Variants in RAPGEF5 observed in about 807,000 individuals in gnomAD.
RAPGEF5 encodes the protein M-Ras-regulated GEF.
A neutral mutation model predicts 125.2 loss-of-function variants in RAPGEF5; 65 were observed. The ratio of observed to expected loss-of-function variants is 0.52; its 90% CI spans 0.43 to 0.64. The LOEUF (loss-of-function observed/expected upper bound fraction) is 0.64. Ranked by LOEUF, RAPGEF5 falls within the 30% of genes least tolerant of loss-of-function variation. RAPGEF5 has a pLI of 0.00. For synonymous variants in RAPGEF5, 391 were observed against 385.9 expected (o/e 1.01, Z -0.16); for missense variants, 958 against 1,048.1 (o/e 0.91, Z 1.19).
At position 22,159,914 on chromosome 7, in the gene RAPGEF5, G is replaced by C. The variant is rs1022555297; in HGVS notation, c.1526+604C>G. Among the ~76,000 whole-genome samples, 8 of 152,222 alleles carry C rather than the reference G, an allele frequency of 5.3e-5. No homozygotes were observed. The East Asian group carries it at 9.7e-4, about 18-fold the overall frequency. ...ACCTGAGGTTGGGAGTTCAAGACCAGCCTGGCCAACATAGCTAAATCCCAT... is the reference window on the plus strand; with the variant it reads ...ACCTGAGGTTGGGAGTTCAAGACCACCCTGGCCAACATAGCTAAATCCCAT... On this transcript the variant is annotated intron_variant, in intron 14 of 25. Transcript: ENST00000665637.
intron 11 of RAPGEF5, among the ~76,000 whole-genome samples, chr7:22,171,816 A>G (rs1180319423): frequency 1.3e-5 from 2 of 152,128 alleles, no homozygotes; most frequent in African/African-American, 4.8e-5. Context: ...TTGATATTCT[A>G]TGCACTAAGT....
intron 7 of RAPGEF5, among the ~76,000 whole-genome samples, chr7:22,256,125 T>C (rs1336849219): frequency 6.6e-6 from 1 of 152,162 alleles, no homozygotes; most frequent in Non-Finnish European, 1.5e-5. Context: ...TGGGGTTGAC[T>C]TGACCTGTCT....
In RAPGEF5 at chr7:22,150,513, G is replaced by A. The variant is rs1246697628; in HGVS notation, c.1787-9C>T. ...CTGAAGTTCATGCTTTTCTTTATTT[G>A]AAAAAAAAAAAAAAAAAAGGAATAA... On this transcript the variant is annotated splice_polypyrimidine_tract_variant and intron_variant, in intron 17 of 25. Coordinates refer to ENST00000665637, the MANE Select transcript of RAPGEF5 (RefSeq NM_012294.5). 1,728 of 1,352,718 alleles carry A rather than the reference G, an allele frequency of 1.3e-3. No individual in the cohort carries two copies. Among genetic ancestry groups the A allele is most frequent in the South Asian group, 3.7e-3 (263 of 70,182 alleles). 83.8% of individuals were successfully genotyped at this position (1,352,718 alleles called of 1,614,324 possible).
intron 24 of RAPGEF5, among the ~76,000 whole-genome samples, chr7:22,128,800 G>C (rs576041135): frequency 1.3e-5 from 2 of 152,308 alleles, no homozygotes; most frequent in East Asian, 3.9e-4. Context: ...ACGGGCTTGC[G>C]TGTGCGCTAT....
intron 11 of RAPGEF5, among the ~76,000 whole-genome samples, chr7:22,171,186 A>C (rs1050062646): frequency 2.6e-5 from 4 of 152,344 alleles, no homozygotes; most frequent in African/African-American, 9.6e-5. Flanking sequence ...TTTTAGAACC[A>C]TGATGGTTAT....
intron 23 of RAPGEF5, 29 bp downstream of exon 23, chr7:22,136,009 A>G: frequency 6.6e-7 from 1 of 1,517,214 alleles, no homozygotes; most frequent in Non-Finnish European, 9.0e-7. Flanking sequence ...ATATGAAATT[A>G]CATGGCATAA....
At chr7:22,165,166 A>G (rs931847829) in intron 12 of RAPGEF5, among the ~76,000 whole-genome samples, 3 of 152,208 alleles carry the variant, frequency 2.0e-5, no homozygotes, top group Non-Finnish European at 4.4e-5. Context: ...AGGCTCATAA[A>G]AATCTGAACT....
intron 9 of RAPGEF5, among the ~76,000 whole-genome samples, chr7:22,199,035 G>C (rs955584706): frequency 1.3e-5 from 2 of 152,224 alleles, no homozygotes; most frequent in African/African-American, 4.8e-5. Flanking sequence ...CTGACTGACA[G>C]TGCAGGGCAA....
At chr7:22,297,696 T>TGG (rs1159436645) in intron 5 of RAPGEF5, among the ~76,000 whole-genome samples, 1 of 152,250 alleles carries the variant, frequency 6.6e-6, no homozygotes, top group Admixed American at 6.5e-5. Context: ...TTTTTATGTA[T>TGG]ATAACTATGT....
At chr7:22,328,969 A>G (rs953629882) in intron 1 of RAPGEF5, among the ~76,000 whole-genome samples, 3 of 152,172 alleles carry the variant, frequency 2.0e-5, no homozygotes, top group African/African-American at 7.2e-5. Context: ...TTTTTTCACT[A>G]TACAGGGGGA....
chr7:22,304,814 C>A (rs1583564781), intron 5 of RAPGEF5, among the ~76,000 whole-genome samples: 1 of 152,176 alleles, frequency 6.6e-6, no homozygotes, highest in East Asian at 1.9e-4. Context: ...TGAACTGCTC[C>A]TTGACTTTTC....
chr7:22,255,139 A>T (rs1021521646), intron 7 of RAPGEF5, among the ~76,000 whole-genome samples: 1 of 152,196 alleles, frequency 6.6e-6, no homozygotes, highest in African/African-American at 2.4e-5. Flanking sequence ...TTTAAGCTTG[A>T]ATACAGGATT....
intron 7 of RAPGEF5, among the ~76,000 whole-genome samples, chr7:22,247,749 T>TA (rs199529209): frequency 0.16 from 23,825 of 146,486 alleles, 1,937 homozygotes; most frequent in Admixed American, 0.21. Context: ...GTGGACTGGA[T>TA]AAAAAAAAAA....
At chr7:22,219,792 C>A in intron 9 of RAPGEF5, 74 bp downstream of exon 9, 2 of 1,479,160 alleles carry the variant, frequency 1.4e-6, no homozygotes, top group Non-Finnish European at 1.8e-6. Context: ...AATAGTCTTT[C>A]GTTCAAACAT....
At chr7:22,234,460 C>G (rs914686775) in intron 7 of RAPGEF5, among the ~76,000 whole-genome samples, 1 of 152,192 alleles carries the variant, frequency 6.6e-6, no homozygotes, top group South Asian at 2.1e-4. Flanking sequence ...GAGCTTCACT[C>G]TCTGCCAACA....
Position 22,217,282 on chromosome 7 carries a change from G to A in RAPGEF5, c.996+2584C>T, listed in dbSNP as rs1325486201. 2.6e-5 allele frequency among the ~76,000 whole-genome samples: 4 copies of A among 152,184 alleles called. No individual in the cohort carries two copies. The South Asian group carries it at 6.2e-4, about 24-fold the overall frequency. ...GAGGAAACTGCAGACCTAGGTTTAC[G>A]TTAAGTAAACTGCAGTTTCCTCTGT... On this transcript the variant is annotated intron_variant, in intron 9 of 25. Transcript: ENST00000665637.
intron 9 of RAPGEF5, among the ~76,000 whole-genome samples, chr7:22,195,962 C>A (rs1011204389): frequency 1.3e-5 from 2 of 152,152 alleles, no homozygotes; most frequent in Non-Finnish European, 2.9e-5. Flanking sequence ...ACAGGCCATG[C>A]ACATACATAT....
chr7:22,290,785 A>G (rs138657772), intron 6 of RAPGEF5, among the ~76,000 whole-genome samples: 4 of 151,344 alleles, frequency 2.6e-5, no homozygotes, highest in African/African-American at 9.7e-5. Context: ...ATGTTGCAAT[A>G]TGGTACATTA....
intron 21 of RAPGEF5, among the ~76,000 whole-genome samples, chr7:22,137,496 C>A (rs1263395554): frequency 6.6e-6 from 1 of 152,150 alleles, no homozygotes; most frequent in East Asian, 1.9e-4. Context: ...AGGTACCATG[C>A]AAAGTGACAG....
Sources: gnomAD v4.1 joint callset for allele counts (sites outside exome capture counted in the v4.1 genomes callset) on GRCh38, gnomAD v4.1.1 for gene constraint, MANE v1.5 for transcripts, NCBI Gene and HGNC (gene_info 2026-07-23, HGNC 2026-07-21) for gene names.